CNTNAP2: variants seen among roughly 807,000 people sequenced by gnomAD.
CNTNAP2 encodes contactin-associated protein-like 2.
A neutral mutation model predicts 155.2 loss-of-function variants in CNTNAP2; 98 were observed. The observed-to-expected ratio is 0.63, with a 90% CI of 0.54 to 0.75. CNTNAP2 has a LOEUF of 0.75. Among genes scored for constraint, CNTNAP2 ranks in the 30% least tolerant of loss-of-function variants. CNTNAP2 has a pLI of 0.00. For missense variants in CNTNAP2, 1,727 were observed against 1,688.1 expected, an observed-to-expected ratio of 1.02 and a Z score of -0.40; for synonymous variants, 651 against 631.2, an observed-to-expected ratio of 1.03 and a Z score of -0.47.
At chr7:147,768,087 T>G (rs1797410849) in intron 13 of CNTNAP2, among the ~76,000 whole-genome samples, 1 of 152,092 alleles carries the variant, frequency 6.6e-6, no homozygotes, top group Non-Finnish European at 1.5e-5. Flanking sequence ...AGCAAAAACT[T>G]CCTTTCAGAA....
At chr7:147,636,838 T>C (rs1860135) in intron 12 of CNTNAP2, among the ~76,000 whole-genome samples, 37,143 of 151,952 alleles carry the variant, frequency 0.24, 4,975 homozygotes, top group Admixed American at 0.32. Flanking sequence ...GGGAGATGAA[T>C]GCTAGGGAGA....
At chr7:147,026,915 A>G (rs1798931718) in intron 3 of CNTNAP2, among the ~76,000 whole-genome samples, 1 of 135,884 alleles carries the variant, frequency 7.4e-6, no homozygotes. Context: ...TCAGTGCTAA[A>G]AAAAAAAAAA....
chr7:147,805,615 TGA>T (rs1212137904), intron 13 of CNTNAP2, among the ~76,000 whole-genome samples: 1 of 152,186 alleles, frequency 6.6e-6, no homozygotes, highest in Non-Finnish European at 1.5e-5. Flanking sequence ...CCCTATTGGT[TGA>T]GAGTTTTTTA....
At chr7:146,199,183 G>T (rs2116863951) in intron 1 of CNTNAP2, among the ~76,000 whole-genome samples, 1 of 152,124 alleles carries the variant, frequency 6.6e-6, no homozygotes, top group East Asian at 1.9e-4. Flanking sequence ...TCTGTTACTT[G>T]TTGGGGACAC....
chr7:147,519,599 A>G (rs986770514), intron 11 of CNTNAP2, among the ~76,000 whole-genome samples: 2 of 152,250 alleles, frequency 1.3e-5, no homozygotes, highest in Non-Finnish European at 2.9e-5. Flanking sequence ...ACAGTGGCTC[A>G]TGCCTGTAAT....
intron 11 of CNTNAP2, among the ~76,000 whole-genome samples, chr7:147,543,692 C>T (rs4118165): frequency 6.6e-6 from 1 of 152,008 alleles, no homozygotes; most frequent in East Asian, 1.9e-4. Flanking sequence ...ATGTAATAAG[C>T]CAGTAATTGA....
At chr7:147,265,477 A>G (rs1254031179) in intron 8 of CNTNAP2, among the ~76,000 whole-genome samples, 1 of 152,114 alleles carries the variant, frequency 6.6e-6, no homozygotes, top group Non-Finnish European at 1.5e-5. Flanking sequence ...CAGCAACTCC[A>G]GCCAGGGGCT....
intron 4 of CNTNAP2, among the ~76,000 whole-genome samples, chr7:147,104,106 A>G (rs1000676610): frequency 2.6e-5 from 4 of 152,086 alleles, no homozygotes; most frequent in Admixed American, 2.6e-4. Context: ...CATTTTGACA[A>G]ATGTGCCAGG....
intron 11 of CNTNAP2, among the ~76,000 whole-genome samples, chr7:147,548,154 G>A (rs1584805400): frequency 1.3e-5 from 2 of 152,164 alleles, no homozygotes; most frequent in Admixed American, 6.5e-5. Flanking sequence ...TGGTGTTTCT[G>A]GTTCTAGATC....
At chr7:147,828,442 G>A (rs760107906) in intron 13 of CNTNAP2, among the ~76,000 whole-genome samples, 57 of 152,104 alleles carry the variant, frequency 3.7e-4, no homozygotes, top group Admixed American at 9.8e-4. Context: ...TATGACATAG[G>A]CACATTTCAC....
At chr7:146,909,131 T>A (rs1432772376) in intron 3 of CNTNAP2, among the ~76,000 whole-genome samples, 3 of 152,058 alleles carry the variant, frequency 2.0e-5, no homozygotes, top group African/African-American at 7.2e-5. Flanking sequence ...AATAGATCAA[T>A]AACAGGAGCT....
At chr7:146,563,623 C>T (rs942988222) in intron 1 of CNTNAP2, among the ~76,000 whole-genome samples, 2 of 152,072 alleles carry the variant, frequency 1.3e-5, no homozygotes, top group African/African-American at 4.8e-5. Flanking sequence ...CAGCCAGAGA[C>T]CTGTTTGGTT....
At chr7:147,561,458 A>T (rs1358181055) in intron 11 of CNTNAP2, among the ~76,000 whole-genome samples, 1 of 152,200 alleles carries the variant, frequency 6.6e-6, no homozygotes, top group Non-Finnish European at 1.5e-5. Flanking sequence ...TCTCAGTGAG[A>T]AAAAGAAAAT....
chr7:147,037,165 G>A (rs1799165813), intron 3 of CNTNAP2, among the ~76,000 whole-genome samples: 2 of 151,854 alleles, frequency 1.3e-5, no homozygotes, highest in South Asian at 4.2e-4. Flanking sequence ...AAAAAATAAG[G>A]AGAGAAGTAA....
chr7:147,110,268 G>T (rs1472980514), intron 5 of CNTNAP2, among the ~76,000 whole-genome samples: 1 of 152,068 alleles, frequency 6.6e-6, no homozygotes. Flanking sequence ...GTATGTTGAT[G>T]ATGTAGCTAG....
chr7:148,078,324 A>G (rs141962540), intron 15 of CNTNAP2, among the ~76,000 whole-genome samples: 2 of 130,728 alleles, frequency 1.5e-5, no homozygotes. Flanking sequence ...TTGACCTTCC[A>G]AAGTTCTGCG....
At chr7:147,107,536 G>C (rs1337107622) in intron 4 of CNTNAP2, among the ~76,000 whole-genome samples, 1 of 152,004 alleles carries the variant, frequency 6.6e-6, no homozygotes, top group South Asian at 2.1e-4. Context: ...ATGCAAGGAG[G>C]TAATAAGAAA....
chr7:146,808,556 CAAG>C (rs1482603656), intron 2 of CNTNAP2, among the ~76,000 whole-genome samples: 1 of 152,070 alleles, frequency 6.6e-6, no homozygotes, highest in Non-Finnish European at 1.5e-5. Context: ...TGAATATACT[CAAG>C]GAGTACAATG....
chr7:147,550,170 A>T (rs1388481011), intron 11 of CNTNAP2, among the ~76,000 whole-genome samples: 3 of 152,168 alleles, frequency 2.0e-5, no homozygotes, highest in African/African-American at 7.2e-5. Context: ...GGAAAAATAT[A>T]TTTGGGATTT....
Sources: allele counts gnomAD v4.1 joint callset (sites outside exome capture counted in the v4.1 genomes callset), GRCh38; gene constraint gnomAD v4.1.1; transcripts MANE v1.5; gene names NCBI Gene and HGNC (gene_info 2026-07-23, HGNC 2026-07-21).